Variants in PRPF8 observed in about 807,000 individuals in gnomAD.
PRPF8 encodes the protein pre-mRNA-processing-splicing factor 8.
Under a neutral mutation model 285.9 loss-of-function variants are expected in PRPF8, and 64 were observed. The observed-to-expected ratio is 0.22, with a 90% CI of 0.18 to 0.28. The LOEUF (loss-of-function observed/expected upper bound fraction) is 0.28, where lower values mean the gene tolerates loss of function less well. Among genes scored for constraint, PRPF8 ranks in the 10% least tolerant of loss-of-function variants. The pLI is 1.00. For missense variants in PRPF8, 1,426 were observed against 3,026.7 expected (o/e 0.47, Z 12.41); for synonymous variants, 1,325 against 1,118.2 (o/e 1.18, Z -3.69).
rs773300716 is a variant in PRPF8 at position 1,658,425 on chromosome 17, C to T, written c.5377-44G>A. 6.2e-7 allele frequency: 1 copy of T among 1,614,202 alleles called. No homozygotes were observed. Among genetic ancestry groups the T allele is most frequent in the Non-Finnish European group, 8.5e-7 (1 of 1,180,028 alleles). On this transcript the variant is annotated intron_variant, in intron 33 of 42. Coordinates refer to ENST00000304992, the MANE Select transcript of PRPF8 (RefSeq NM_006445.4). This position sits in a 1 kb window ranked among gnomAD's most constrained non-coding sequence, Gnocchi z 4.1. ...CGTTAGCATGGCCTACACAACACAT[C>T]CCCATCCTGCCTTCTTCCCAGCATG...
chr17:1,653,131 G>A lies in PRPF8; in HGVS notation c.6369+411C>T, dbSNP rs538829369. 5 of 324,532 alleles carry A rather than the reference G, an allele frequency of 1.5e-5. No homozygotes were observed. Among genetic ancestry groups the A allele is most frequent in the Middle Eastern group, 1.1e-3 (1 of 940 alleles). The allele number at this position is 324,532 out of a possible 1,614,324, so 20.1% of individuals were successfully genotyped here. A position where few individuals can be genotyped will look rare whatever the true frequency, so the allele number is the denominator to read the frequency against. On this transcript the variant is annotated intron_variant, in intron 39 of 42. Coordinates refer to ENST00000304992, the MANE Select transcript of PRPF8 (RefSeq NM_006445.4). This position sits in a 1 kb window ranked among gnomAD's most constrained non-coding sequence, Gnocchi z 4.9. ...TTTTTTGTATTTTTAGTAGAGACAG[G>A]GTTTCACCATATTGGTCAGGCTGGT...
At chr17:1,660,058 G>C in intron 30 of PRPF8, 57 bp from the exon 31 acceptor site, 5 of 1,569,174 alleles carry the variant, frequency 3.2e-6, no homozygotes, top group Non-Finnish European at 4.4e-6. Context: ...TAAAATCAGA[G>C]TTTGTACAAT....
intron 24 of PRPF8, among the ~76,000 whole-genome samples, chr17:1,671,112 T>C (rs8076353): frequency 0.068 from 10,317 of 152,162 alleles, 1,200 homozygotes; most frequent in African/African-American, 0.24. Context: ...GAACTTTCCA[T>C]GGTCCCATGT....
In PRPF8 at chr17:1,679,774, T is replaced by C; in HGVS notation, c.1124A>G (p.Asp375Gly). 1.2e-6 allele frequency: 2 copies of C among 1,614,182 alleles called. No individual in the cohort carries two copies. Among genetic ancestry groups the C allele is most frequent in the Non-Finnish European group, 1.7e-6 (2 of 1,180,034 alleles). The change falls in exon 9 of 43, where the codon GAT becomes GGT. Residue 375 changes from aspartate (D) to glycine (G), a missense_variant. Transcript: ENST00000304992. The surrounding 1 kb of genome is among the most constrained non-coding windows in gnomAD (Gnocchi z 4.7). ...VKSQEPLPDD[D>G]EEFELPEFVE... Reference sequence around the variant, plus strand: ...AAACTCCGGGAGCTCAAATTCCTCATCATCATCCGGCAATGGTTCCTGGCT... The same window carrying C: ...AAACTCCGGGAGCTCAAATTCCTCACCATCATCCGGCAATGGTTCCTGGCT...
Position 1,681,819 on chromosome 17 carries a change from C to G in PRPF8, c.653+1G>C. ...GTGTAGTATCTCCATCTATCACTCA[C>G]TTCCTGCTGTCCCTCAACGGCTGGT... On this transcript the variant is annotated splice_donor_variant, in intron 5 of 42. Transcript: ENST00000304992. LOFTEE classifies it high-confidence loss of function. 6.2e-7 allele frequency: 1 copy of G among 1,614,088 alleles called. No homozygotes were observed. The highest frequency in any genetic ancestry group is 8.5e-7 in the Non-Finnish European group (1 of 1,180,008).
At chr17:1,662,935 A>G (rs1160996949) in intron 24 of PRPF8, among the ~76,000 whole-genome samples, 4 of 152,198 alleles carry the variant, frequency 2.6e-5, no homozygotes, top group East Asian at 1.9e-4. Flanking sequence ...GTAAAATGCA[A>G]AAAAATATTT....
intron 24 of PRPF8, among the ~76,000 whole-genome samples, chr17:1,666,383 T>A (rs999050517): frequency 3.3e-5 from 5 of 151,104 alleles, no homozygotes; most frequent in Non-Finnish European, 7.4e-5. Context: ...ACTGTCTGTA[T>A]CCAAAATACA....
In PRPF8 at chr17:1,684,567, G is replaced by A; in HGVS notation, c.5C>T (p.Ala2Val). The A allele has an allele frequency of 6.2e-7, 1 of 1,612,508 alleles. No homozygotes were observed. The highest frequency in any genetic ancestry group is 1.1e-5 in the South Asian group (1 of 91,084). Reference sequence around the variant, plus strand: ...CGGCCCTCGATAAGGAAACACTCCGGCCATATCCGGAGAATCTGGGGAGCG... The same window carrying A: ...CGGCCCTCGATAAGGAAACACTCCGACCATATCCGGAGAATCTGGGGAGCG... M[A>V]GVFPYRGPGN... Residue 2 changes from alanine to valine, a missense_variant, in exon 2 of 43, where the codon GCC (alanine) becomes GTC (valine). By Grantham distance (64) the Ala-to-Val change is moderately conservative. This residue lies in a region of PRPF8 where 72 missense variants were observed against 80.0 expected (regional missense o/e 0.90). Coordinates refer to ENST00000304992, the MANE Select transcript of PRPF8 (RefSeq NM_006445.4).
Position 1,680,607 on chromosome 17 carries a change from G to C in PRPF8, c.1098+119C>G. The C allele has an allele frequency of 6.6e-6, 6 of 909,300 alleles. No individual in the cohort carries two copies. The South Asian group carries it at 8.2e-5, about 12-fold the overall frequency. 56.3% of individuals were successfully genotyped at this position (909,300 alleles called of 1,614,324 possible). On this transcript the variant is annotated intron_variant, in intron 8 of 42. Coordinates refer to ENST00000304992, the MANE Select transcript of PRPF8 (RefSeq NM_006445.4). Reference sequence around the variant, plus strand: ...ATTCTCATATTCGCTTATAGCTCAAGGGGAACACTTAGCAAGACGGAAAAC... The same window carrying C: ...ATTCTCATATTCGCTTATAGCTCAACGGGAACACTTAGCAAGACGGAAAAC...
chr17:1,681,089 T>C, intron 6 of PRPF8, 35 bp from the exon 7 acceptor site: 3 of 1,605,772 alleles, frequency 1.9e-6, no homozygotes, highest in South Asian at 1.1e-5. Context: ...CAGACTTTTT[T>C]TTTTTTGAGA....
In PRPF8 at chr17:1,678,826, C is replaced by T. The variant is rs754605791; in HGVS notation, c.1655G>A (p.Arg552His). 1 of 1,614,164 alleles carries T rather than the reference C, an allele frequency of 6.2e-7. No individual in the cohort carries two copies. ...NAFHLCREVL[R>H]LTKLVVDSHV... The stretch of plus-strand genomic sequence containing the variant: ...ACTATCCACCACCAGCTTAGTCAAA[C>T]GCAGAACTTCCCGACACAGGTGGAA... The change falls in exon 12 of 43, where the codon CGT becomes CAT. Residue 552 changes from arginine to histidine, a missense_variant. This residue lies in a region of PRPF8 where 69 missense variants were observed against 134.7 expected (regional missense o/e 0.51). Transcript: ENST00000304992.
chr17:1,674,405 G>C (rs376893202), intron 21 of PRPF8, 37 bp downstream of exon 21: 10 of 1,597,404 alleles, frequency 6.3e-6, no homozygotes, highest in Non-Finnish European at 6.0e-6. Context: ...ACATGCCTCA[G>C]TACCCTGCAA....
rs926817101 is a variant in PRPF8 at position 1,653,079 on chromosome 17, C to T, written c.6369+463G>A. ...TCAACCTCCCTAGTAGCTGCAACTA[C>T]GGGCGCATGCCACCATGCCTGGCTA... On this transcript the variant is annotated intron_variant, in intron 39 of 42. Coordinates refer to ENST00000304992, the MANE Select transcript of PRPF8 (RefSeq NM_006445.4). The surrounding 1 kb of genome is among the most constrained non-coding windows in gnomAD (Gnocchi z 4.9). 2.9e-5 allele frequency: 8 copies of T among 280,008 alleles called. No homozygotes were observed. The highest frequency in any genetic ancestry group is 1.5e-4 in the African/African-American group (7 of 45,522). The allele number at this position is 280,008 out of a possible 1,614,324, so 17.3% of individuals were successfully genotyped here. A position where few individuals can be genotyped will look rare whatever the true frequency, so the allele number is the denominator to read the frequency against.
In PRPF8 at chr17:1,677,537, G is replaced by A. The variant is rs73291006; in HGVS notation, c.1984+28C>T. The A allele has an allele frequency of 3.2e-3, 5,100 of 1,613,870 alleles. 164 individuals are homozygous for A. The African/African-American group carries it at 0.06, about 19-fold the overall frequency. On this transcript the variant is annotated intron_variant, in intron 14 of 42. Transcript: ENST00000304992. The stretch of plus-strand genomic sequence containing the variant: ...AGGTACTTTTGAAGCAATAACAGGA[G>A]AAGTTGGACACAGAGAAAACCACTC...
In PRPF8 at chr17:1,684,515, G is replaced by C. The variant is rs943865335; in HGVS notation, c.57C>G (p.Ala19=). The change falls in exon 2 of 43, where the codon GCC becomes GCG. Residue 19 remains alanine (A), a synonymous_variant. Coordinates refer to ENST00000304992, the MANE Select transcript of PRPF8 (RefSeq NM_006445.4). ...CCTCCGACATGTAGTCCGGTAGCGG[G>C]GCTAGAGGGCCAGGCACCGGGTTAC... The part of the protein sequence containing the change: ...GPGNPVPGPL[A]PLPDYMSEEK... 1 of 1,612,654 alleles carries C rather than the reference G, an allele frequency of 6.2e-7. No individual in the cohort carries two copies. Among genetic ancestry groups the C allele is most frequent in the African/African-American group, 1.3e-5 (1 of 75,030 alleles).
intron 37 of PRPF8, chr17:1,654,915 G>A (rs1911276537): frequency 4.8e-6 from 1 of 209,482 alleles, no homozygotes; most frequent in East Asian, 1.2e-4. Flanking sequence ...ACTAGCATGA[G>A]CACTCAAGCC....
intron 39 of PRPF8, among the ~76,000 whole-genome samples, chr17:1,652,483 C>A (rs1911135611): frequency 6.6e-6 from 1 of 152,220 alleles, no homozygotes; most frequent in African/African-American, 2.4e-5. Flanking sequence ...AAGTGATTCA[C>A]CCACCTTGGC....
chr17:1,678,990 G>C, intron 11 of PRPF8, 27 bp downstream of exon 11: 1 of 1,613,852 alleles, frequency 6.2e-7, no homozygotes, highest in Non-Finnish European at 8.5e-7. Context: ...TGAAGCCCAG[G>C]AGGCCCCTAG....
intron 20 of PRPF8, 100 bp from the exon 21 acceptor site, chr17:1,674,780 T>C: frequency 7.8e-7 from 1 of 1,287,104 alleles, no homozygotes; most frequent in African/African-American, 1.5e-5. Flanking sequence ...TCTACTTTTT[T>C]CCACTCCCGA....
Sources: allele counts gnomAD v4.1 joint callset (sites outside exome capture counted in the v4.1 genomes callset), GRCh38; gene constraint gnomAD v4.1.1; regional missense constraint gnomAD v4.1.1; non-coding constraint Gnocchi (gnomAD v3.1); transcripts MANE v1.5; gene names NCBI Gene and HGNC (gene_info 2026-07-23, HGNC 2026-07-21).